DCAF13: variants seen among roughly 807,000 people sequenced by gnomAD.
DCAF13 encodes DDB1- and CUL4-associated factor 13.
A neutral mutation model predicts 59.0 loss-of-function variants in DCAF13; 38 were observed. The ratio of observed to expected loss-of-function variants is 0.64; its 90% CI spans 0.50 to 0.84. The LOEUF is 0.84. Among genes scored for constraint, DCAF13 ranks in the 40% least tolerant of loss-of-function variants. The probability of loss-of-function intolerance (pLI) is 0.00; values close to 1 mark genes in which losing one functional copy is unlikely to be tolerated. For synonymous variants in DCAF13, 173 were observed against 175.0 expected, an observed-to-expected ratio of 0.99 and a Z score of 0.09; for missense variants, 469 against 558.4, an observed-to-expected ratio of 0.84 and a Z score of 1.61.
At position 103,419,292 on chromosome 8, in the gene DCAF13, C is replaced by T. The variant is rs983264718; in HGVS notation, c.71-972C>T. ...GGTTTGAATCCTGGCTCCACCGTGT[C>T]GTATTCGAGTTACTTAACCTCTTTA... On this transcript the variant is annotated intron_variant, in intron 1 of 10. Transcript: ENST00000612750. Among the ~76,000 whole-genome samples the T allele has an allele frequency of 8.5e-5, 13 of 152,226 alleles. 1 individual carries two copies. The South Asian group carries it at 1.9e-3, about 22-fold the overall frequency.
chr8:103,431,809 T>G (rs1283549168), intron 6 of DCAF13, among the ~76,000 whole-genome samples: 1 of 152,176 alleles, frequency 6.6e-6, no homozygotes, highest in East Asian at 1.9e-4. Context: ...ATTTAGTTTA[T>G]TTTTCATTGT....
chr8:103,431,662 C>CT (rs922047801), intron 6 of DCAF13, among the ~76,000 whole-genome samples: 6 of 152,178 alleles, frequency 3.9e-5, no homozygotes, highest in Non-Finnish European at 8.8e-5. Context: ...GTATTAATAA[C>CT]TATCTCGCAG....
intron 7 of DCAF13, among the ~76,000 whole-genome samples, 189 bp from the exon 8 acceptor site, chr8:103,435,437 G>A (rs1370485599): frequency 6.6e-6 from 1 of 151,974 alleles, no homozygotes; most frequent in Non-Finnish European, 1.5e-5. Context: ...ATATATAAGT[G>A]GAGTCTTAAG....
intron 4 of DCAF13, among the ~76,000 whole-genome samples, chr8:103,426,864 T>A (rs1207027187): frequency 1.3e-5 from 2 of 152,168 alleles, no homozygotes; most frequent in Non-Finnish European, 2.9e-5. Flanking sequence ...GAGGTAGAGA[T>A]AATTTGTAGT....
Position 103,440,584 on chromosome 8 carries a change from A to G in DCAF13, c.1086+313A>G, listed in dbSNP as rs1816996983. 5 of 172,246 alleles carry G rather than the reference A, an allele frequency of 2.9e-5. No individual in the cohort carries two copies. The South Asian group carries it at 8.8e-4, about 30-fold the overall frequency. The allele number at this position is 172,246 out of a possible 1,614,324, so 10.7% of individuals were successfully genotyped here. A position where few individuals can be genotyped will look rare whatever the true frequency, so the allele number is the denominator to read the frequency against. On this transcript the variant is annotated intron_variant, in intron 9 of 10. Transcript: ENST00000612750. ...TGAGGTAGGGACAGAAGATGCAGGAACTAGAGGCTCAGAACTTAGAGCTCG... is the reference window on the plus strand; with the variant it reads ...TGAGGTAGGGACAGAAGATGCAGGAGCTAGAGGCTCAGAACTTAGAGCTCG...
intron 8 of DCAF13, among the ~76,000 whole-genome samples, chr8:103,437,772 A>G (rs1816951515): frequency 6.6e-6 from 1 of 152,178 alleles, no homozygotes; most frequent in South Asian, 2.1e-4. Flanking sequence ...TAAAATGGCT[A>G]AAGCATATTA....
At chr8:103,420,007 CAA>C (rs57225658) in intron 1 of DCAF13, among the ~76,000 whole-genome samples, 18 of 81,202 alleles carry the variant, frequency 2.2e-4, no homozygotes, top group Non-Finnish European at 2.2e-4. Context: ...GACTCCGTCT[CAA>C]AAAAAAAAAA....
rs1816924421 is a variant in DCAF13, at chr8:103,435,778, A to G, written c.938A>G (p.Lys313Arg). Residue 313 changes from lysine to arginine, a missense_variant, in exon 8 of 11, where the codon AAA becomes AGA. Physicochemically the swap from Lys to Arg is conservative, Grantham distance 26. This residue lies in a region of DCAF13 where 355 missense variants were observed against 399.1 expected (regional missense o/e 0.89). Coordinates refer to ENST00000612750, the MANE Select transcript of DCAF13 (RefSeq NM_015420.7). ...DKSIRIFPVD[K>R]SRSREVYHTK... ...TCTATTCGAATCTTTCCTGTAGACA[A>G]AAGTCGAAGCAGGTATGTGCCTACC... 4 of 1,613,460 alleles carry G rather than the reference A, an allele frequency of 2.5e-6. No homozygotes were observed. Among genetic ancestry groups the G allele is most frequent in the Non-Finnish European group, 3.4e-6 (4 of 1,179,720 alleles).
chr8:103,418,854 A>ATT (rs1390035888), intron 1 of DCAF13, among the ~76,000 whole-genome samples: 2,643 of 24,386 alleles, frequency 0.11, 114 homozygotes, highest in African/African-American at 0.23. Context: ...ATATATATAT[A>ATT]TATATATATA....
chr8:103,421,775 C>T (rs1816726027), intron 3 of DCAF13, among the ~76,000 whole-genome samples: 1 of 152,192 alleles, frequency 6.6e-6, no homozygotes, highest in Admixed American at 6.5e-5. Context: ...CAAGGTTTAT[C>T]CATGTTGTAG....
chr8:103,421,326 C>A, intron 3 of DCAF13: 1 of 580,770 alleles, frequency 1.7e-6, no homozygotes, highest in Non-Finnish European at 3.1e-6. Flanking sequence ...AGAGGTAAGT[C>A]TAGAAAGAGT....
chr8:103,420,905 C>A, intron 2 of DCAF13, 70 bp from the exon 3 acceptor site: 1 of 1,099,344 alleles, frequency 9.1e-7, no homozygotes, highest in South Asian at 1.3e-5. Context: ...GTAGCCTTGT[C>A]AGTGTTGAAT....
At chr8:103,441,261 G>A (rs748838971) in intron 9 of DCAF13, 194 bp from the exon 10 acceptor site, 2 of 496,686 alleles carry the variant, frequency 4.0e-6, no homozygotes, top group Non-Finnish European at 7.0e-6. Context: ...TGGCGAGTGT[G>A]TTGCCTAAAA....
At chr8:103,434,891 A>ATATG (rs1291622214) in intron 7 of DCAF13, among the ~76,000 whole-genome samples, 1 of 152,078 alleles carries the variant, frequency 6.6e-6, no homozygotes, top group African/African-American at 2.4e-5. Context: ...TCACTCTTAC[A>ATATG]TATCACCAGT....
intron 1 of DCAF13, among the ~76,000 whole-genome samples, chr8:103,418,173 C>T (rs543006487): frequency 3.2e-4 from 48 of 151,930 alleles, no homozygotes; most frequent in African/African-American, 1.1e-3. Context: ...TGTAAATTGC[C>T]GCCAAATCAA....
intron 1 of DCAF13, among the ~76,000 whole-genome samples, chr8:103,419,902 G>A (rs777219397): frequency 1.3e-5 from 2 of 151,906 alleles, no homozygotes; most frequent in Non-Finnish European, 2.9e-5. Context: ...CCAGCTACTC[G>A]GGTGGCTGAG....
intron 3 of DCAF13, among the ~76,000 whole-genome samples, chr8:103,423,609 A>G (rs1049088384): frequency 6.6e-6 from 1 of 152,206 alleles, no homozygotes; most frequent in African/African-American, 2.4e-5. Flanking sequence ...GTTGTACAAC[A>G]CTGTGATTAT....
At chr8:103,436,887 T>A (rs957380417) in intron 8 of DCAF13, among the ~76,000 whole-genome samples, 1 of 152,250 alleles carries the variant, frequency 6.6e-6, no homozygotes, top group Non-Finnish European at 1.5e-5. Context: ...ATAGTCAATC[T>A]GCTTATCTAA....
At chr8:103,440,963 A>G (rs1216263703) in intron 9 of DCAF13, 1 of 152,458 alleles carries the variant, frequency 6.6e-6, no homozygotes, top group African/African-American at 2.4e-5. Flanking sequence ...TTTAGGTTTA[A>G]TGATTGATAA....
Sources: gnomAD v4.1 joint callset for allele counts (sites outside exome capture counted in the v4.1 genomes callset) on GRCh38, gnomAD v4.1.1 for gene constraint, gnomAD v4.1.1 regional missense constraint, MANE v1.5 for transcripts, NCBI Gene and HGNC (gene_info 2026-07-23, HGNC 2026-07-21) for gene names.